Variants in FGGY observed in about 807,000 individuals in gnomAD.
The protein encoded by FGGY is FGGY carbohydrate kinase domain-containing protein.
Under a neutral mutation model 71.3 loss-of-function variants are expected in FGGY, and 72 were observed. That is an observed-to-expected ratio of 1.01 (90% CI 0.84 to 1.23). The LOEUF is 1.23. Ranked by LOEUF, FGGY falls within the 50% of genes most tolerant of loss-of-function variation. The pLI is 0.00. For missense variants in FGGY, 668 were observed against 682.3 expected, an observed-to-expected ratio of 0.98 and a Z score of 0.23; for synonymous variants, 251 against 250.3, an observed-to-expected ratio of 1.00 and a Z score of -0.02.
intron 14 of FGGY, among the ~76,000 whole-genome samples, chr1:59,686,569 A>G (rs1236816704): frequency 2.6e-5 from 4 of 151,976 alleles, no homozygotes; most frequent in Non-Finnish European, 5.9e-5. Context: ...ATGGTCTGCT[A>G]TCCTCTATTA....
intron 8 of FGGY, among the ~76,000 whole-genome samples, chr1:59,567,415 G>GT (rs1371696535): frequency 6.6e-6 from 1 of 152,120 alleles, no homozygotes; most frequent in Non-Finnish European, 1.5e-5. Flanking sequence ...GTAGCCTTGT[G>GT]TGGCACCAGG....
chr1:59,723,922 G>A (rs1409981074), intron 14 of FGGY, among the ~76,000 whole-genome samples: 1 of 152,168 alleles, frequency 6.6e-6, no homozygotes, highest in Non-Finnish European at 1.5e-5. Flanking sequence ...CAGCACTTTG[G>A]GAGGCCTAGG....
chr1:59,756,249 A>G (rs2098290251), intron 14 of FGGY, among the ~76,000 whole-genome samples: 1 of 151,932 alleles, frequency 6.6e-6, no homozygotes, highest in South Asian at 2.1e-4. Flanking sequence ...TAAGGCTGCC[A>G]TTTCTTTCTG....
chr1:59,665,952 C>T (rs779303288), intron 12 of FGGY, among the ~76,000 whole-genome samples: 5 of 152,306 alleles, frequency 3.3e-5, no homozygotes, highest in Admixed American at 2.0e-4. Flanking sequence ...GGATTACAGG[C>T]GTGAGCCACC....
rs148063393 is a variant in FGGY, at chr1:59,624,012, T to C, written c.1012-1976T>C. On this transcript the variant is annotated intron_variant, in intron 9 of 15. Coordinates refer to ENST00000303721, the MANE Select transcript of FGGY (RefSeq NM_018291.5). Reference sequence around the variant, plus strand: ...CATTACTGTTCCCAGCGAGTTTATCTTGATGCTCTCAGTGGATTGCAAACT... The same window carrying C: ...CATTACTGTTCCCAGCGAGTTTATCCTGATGCTCTCAGTGGATTGCAAACT... 3.1e-3 allele frequency among the ~76,000 whole-genome samples: 470 copies of C among 152,300 alleles called. 2 individuals carry two copies. Among genetic ancestry groups the C allele is most frequent in the African/African-American group, 0.011 (447 of 41,568 alleles).
chr1:59,526,360 C>A (rs2094978645), intron 7 of FGGY, among the ~76,000 whole-genome samples: 1 of 152,158 alleles, frequency 6.6e-6, no homozygotes, highest in Non-Finnish European at 1.5e-5. Context: ...AAAAGCAAGG[C>A]AGAGATTTTT....
chr1:59,655,510 G>C (rs2097210429), intron 11 of FGGY, among the ~76,000 whole-genome samples: 1 of 146,900 alleles, frequency 6.8e-6, no homozygotes, highest in East Asian at 2.1e-4. Flanking sequence ...TCCCACTTAT[G>C]AGTGAGAACA....
At chr1:59,592,873 C>G (rs997335267) in intron 8 of FGGY, among the ~76,000 whole-genome samples, 1 of 152,066 alleles carries the variant, frequency 6.6e-6, no homozygotes, top group Non-Finnish European at 1.5e-5. Flanking sequence ...CAGCATGGCA[C>G]ATGTATACAT....
intron 7 of FGGY, among the ~76,000 whole-genome samples, chr1:59,541,403 C>T (rs570002287): frequency 3.7e-4 from 57 of 152,200 alleles, no homozygotes; most frequent in Non-Finnish European, 7.1e-4. Flanking sequence ...CAGTGCCCAC[C>T]GACAGCACAG....
At chr1:59,379,705 T>C (rs1571321740) in intron 5 of FGGY, among the ~76,000 whole-genome samples, 1 of 152,190 alleles carries the variant, frequency 6.6e-6, no homozygotes, top group Non-Finnish European at 1.5e-5. Context: ...TTTTAAACTT[T>C]TTGACTTTTT....
At chr1:59,523,134 G>A (rs908359993) in intron 7 of FGGY, among the ~76,000 whole-genome samples, 2 of 152,206 alleles carry the variant, frequency 1.3e-5, no homozygotes, top group African/African-American at 2.4e-5. Context: ...CCAAGCACCT[G>A]TTAGGAGGAC....
At chr1:59,575,001 T>C (rs2096055107) in intron 8 of FGGY, among the ~76,000 whole-genome samples, 2 of 152,186 alleles carry the variant, frequency 1.3e-5, no homozygotes, top group Non-Finnish European at 2.9e-5. Flanking sequence ...TACTGACAAA[T>C]GCAAATTGTA....
chr1:59,301,706 C>CTTTTTTTTTTTTTTTTTTT (rs34290988), intron 1 of FGGY, among the ~76,000 whole-genome samples: 1 of 54,964 alleles, frequency 1.8e-5, no homozygotes, highest in Non-Finnish European at 3.1e-5. Flanking sequence ...TGTGATCATT[C>CTTTTTTTTTTTTTTTTTTT]TTTTTTTTTT....
At position 59,740,430 on chromosome 1, in the gene FGGY, G is replaced by A. The variant is rs74800963; in HGVS notation, c.1513-17501G>A. Among the ~76,000 whole-genome samples, 211 of 152,252 alleles carry A rather than the reference G, an allele frequency of 1.4e-3. 2 individuals carry two copies. In the East Asian group the frequency reaches 0.03, roughly 21 times the overall value. ...TAAATCTCCCAGCTTTCTTAGATCCGGTAGTGAGCTGGGGCTAGCTCAGCC... is the reference window on the plus strand; with the variant it reads ...TAAATCTCCCAGCTTTCTTAGATCCAGTAGTGAGCTGGGGCTAGCTCAGCC... On this transcript the variant is annotated intron_variant, in intron 14 of 15. Transcript: ENST00000303721.
chr1:59,515,560 C>T (rs2094622469), intron 7 of FGGY, among the ~76,000 whole-genome samples: 1 of 152,150 alleles, frequency 6.6e-6, no homozygotes, highest in Non-Finnish European at 1.5e-5. Context: ...CAAATCTCAA[C>T]TAACTTATAT....
chr1:59,687,678 C>A (rs1027372718), intron 14 of FGGY, among the ~76,000 whole-genome samples: 6 of 151,436 alleles, frequency 4.0e-5, no homozygotes, highest in Non-Finnish European at 8.8e-5. Flanking sequence ...CCGTGTTAGC[C>A]AGGATGACCT....
chr1:59,302,733 A>ATACCTATGTATTT (rs2042958783), intron 1 of FGGY, among the ~76,000 whole-genome samples: 1 of 152,198 alleles, frequency 6.6e-6, no homozygotes, highest in Admixed American at 6.5e-5. Context: ...ATTAATATAA[A>ATACCTATGTATTT]AAATGCAAAC....
intron 8 of FGGY, among the ~76,000 whole-genome samples, chr1:59,585,633 C>T (rs545954909): frequency 6.6e-6 from 1 of 152,146 alleles, no homozygotes; most frequent in East Asian, 1.9e-4. Context: ...GTCTAAAACA[C>T]CAAAAGCAAT....
At chr1:59,682,880 T>C (rs963972826) in intron 14 of FGGY, among the ~76,000 whole-genome samples, 4 of 152,214 alleles carry the variant, frequency 2.6e-5, no homozygotes, top group Non-Finnish European at 5.9e-5. Context: ...CATCAGAATG[T>C]AAATCAATTA....
Sources: gnomAD v4.1 joint callset for allele counts (sites outside exome capture counted in the v4.1 genomes callset) on GRCh38, gnomAD v4.1.1 for gene constraint, MANE v1.5 for transcripts, NCBI Gene and HGNC (gene_info 2026-07-23, HGNC 2026-07-21) for gene names.